Variants in MYO5A observed in about 807,000 individuals in gnomAD.
MYO5A encodes the protein unconventional myosin-Va.
A neutral mutation model predicts 249.7 loss-of-function variants in MYO5A; 98 were observed. That is an observed-to-expected ratio of 0.39 (90% CI 0.33 to 0.46). MYO5A has a LOEUF of 0.46. Ranked by LOEUF, MYO5A falls within the 20% of genes least tolerant of loss-of-function variation. The probability of loss-of-function intolerance (pLI) is 0.98; values close to 1 mark genes in which losing one functional copy is unlikely to be tolerated. For missense variants in MYO5A, 1,696 were observed against 2,308.8 expected (o/e 0.73, Z 5.44); for synonymous variants, 778 against 810.6 (o/e 0.96, Z 0.68).
In MYO5A at chr15:52,460,980, G is replaced by C. The variant is rs144837709; in HGVS notation, c.28-27695C>G. ...ATTTTTGTTTGTTTTTTGAGACAGA[G>C]TCTTGCTGTTGCCCAGGCTGGAGTG... is the stretch of plus-strand genomic sequence containing the variant. On this transcript the variant is annotated intron_variant, in intron 1 of 41. Coordinates refer to ENST00000399233, the MANE Select transcript of MYO5A (RefSeq NM_001382347.1). 4.5e-4 allele frequency among the ~76,000 whole-genome samples: 68 copies of C among 152,288 alleles called. 1 individual carries two copies. The East Asian group carries it at 7.1e-3, about 16-fold the overall frequency.
At chr15:52,410,499 A>G in intron 5 of MYO5A, 23 bp from the exon 6 acceptor site, 1 of 1,598,322 alleles carries the variant, frequency 6.3e-7, no homozygotes, top group Non-Finnish European at 8.6e-7. Flanking sequence ...GGAGAAAATA[A>G]GATTTTAGAA....
intron 1 of MYO5A, among the ~76,000 whole-genome samples, chr15:52,448,953 C>CTTTTT (rs1567136629): frequency 4.8e-5 from 3 of 61,868 alleles, no homozygotes; most frequent in Admixed American, 1.7e-4. Flanking sequence ...CTTTTCTTGT[C>CTTTTT]TTTCTTTTTT....
At chr15:52,320,405 G>C (rs576307383) in intron 38 of MYO5A, among the ~76,000 whole-genome samples, 32 of 152,282 alleles carry the variant, frequency 2.1e-4, no homozygotes, top group African/African-American at 7.7e-4. Context: ...GGGCTTCTTT[G>C]AGGCGAACTT....
chr15:52,347,753 AC>A (rs777527742), intron 29 of MYO5A, among the ~76,000 whole-genome samples: 2 of 152,248 alleles, frequency 1.3e-5, no homozygotes, highest in Non-Finnish European at 2.9e-5. Flanking sequence ...TAAATAGTTT[AC>A]ATTTTATTGA....
intron 1 of MYO5A, among the ~76,000 whole-genome samples, chr15:52,510,730 C>T (rs1595820667): frequency 2.6e-5 from 4 of 152,200 alleles, no homozygotes; most frequent in Admixed American, 2.0e-4. Flanking sequence ...CCATCACCAT[C>T]GCCACACCTG....
At chr15:52,440,588 G>C (rs1461057650) in intron 1 of MYO5A, among the ~76,000 whole-genome samples, 1 of 152,130 alleles carries the variant, frequency 6.6e-6, no homozygotes, top group East Asian at 1.9e-4. Context: ...CTTTCTTTTG[G>C]TATCTTACCA....
At chr15:52,394,530 A>G (rs1374896546) in intron 11 of MYO5A, among the ~76,000 whole-genome samples, 7 of 152,358 alleles carry the variant, frequency 4.6e-5, no homozygotes, top group African/African-American at 1.7e-4. Flanking sequence ...AAAGAACCTG[A>G]CATTGGATAG....
chr15:52,465,733 G>C (rs536248720), intron 1 of MYO5A, among the ~76,000 whole-genome samples: 47 of 152,302 alleles, frequency 3.1e-4, no homozygotes, highest in Non-Finnish European at 5.9e-4. Flanking sequence ...GATACATCTT[G>C]AGATTTTTTT....
intron 1 of MYO5A, among the ~76,000 whole-genome samples, chr15:52,441,815 T>C (rs931054770): frequency 2.4e-4 from 37 of 152,222 alleles, no homozygotes; most frequent in Non-Finnish European, 3.7e-4. Context: ...TGTGAGCTCC[T>C]TGCAAGGAGA....
intron 1 of MYO5A, among the ~76,000 whole-genome samples, chr15:52,514,254 A>G (rs1045784574): frequency 1.3e-5 from 2 of 152,250 alleles, no homozygotes; most frequent in Non-Finnish European, 2.9e-5. Flanking sequence ...ATTGAATTAT[A>G]CACTTTATAC....
In MYO5A at chr15:52,370,333, A is replaced by C. The variant is rs1277447707; in HGVS notation, c.2902T>G (p.Leu968Val). 2 of 1,614,036 alleles carry C rather than the reference A, an allele frequency of 1.2e-6. No homozygotes were observed. Among genetic ancestry groups the C allele is most frequent in the Non-Finnish European group, 1.7e-6 (2 of 1,180,026 alleles). Residue 968 changes from leucine to valine, a missense_variant, in exon 22 of 42, where the codon TTA becomes GTA. Transcript: ENST00000399233. ...TCTTCACTTAGTTGAAGACGTTCTAAGTCACTTCGTAGTTTCTCAGTCTCA... is the reference window on the plus strand; with the variant it reads ...TCTTCACTTAGTTGAAGACGTTCTACGTCACTTCGTAGTTTCTCAGTCTCA... ...NSETEKLRSD[L>V]ERLQLSEEEA... is the part of the protein sequence containing the mutation.
At chr15:52,462,827 G>A (rs998557717) in intron 1 of MYO5A, among the ~76,000 whole-genome samples, 2 of 150,570 alleles carry the variant, frequency 1.3e-5, no homozygotes, top group South Asian at 2.1e-4. Flanking sequence ...CATCCTGGGC[G>A]ACAGCGAGAA....
At chr15:52,397,073 G>T in intron 10 of MYO5A, 128 bp downstream of exon 10, 1 of 1,145,992 alleles carries the variant, frequency 8.7e-7, no homozygotes, top group Non-Finnish European at 1.3e-6. Context: ...AGGTATTCTT[G>T]AATTGTCATA....
intron 1 of MYO5A, among the ~76,000 whole-genome samples, chr15:52,433,803 C>T (rs7176061): frequency 0.53 from 81,085 of 151,730 alleles, 22,933 homozygotes; most frequent in East Asian, 0.85. Flanking sequence ...AAAAAGTGTG[C>T]TCTGAAAAAA....
intron 1 of MYO5A, among the ~76,000 whole-genome samples, chr15:52,501,622 A>G (rs888315134): frequency 2.0e-5 from 3 of 152,116 alleles, no homozygotes; most frequent in Non-Finnish European, 2.9e-5. Context: ...TAAAAATAAG[A>G]TAAAATTGAA....
intron 34 of MYO5A, among the ~76,000 whole-genome samples, chr15:52,335,716 T>C (rs1342103432): frequency 1.3e-5 from 2 of 152,154 alleles, no homozygotes; most frequent in South Asian, 2.1e-4. Context: ...ATAGAAATCA[T>C]GAGATGTTTT....
At position 52,416,276 on chromosome 15, in the gene MYO5A, C is replaced by T. The variant is rs774327292; in HGVS notation, c.481G>A (p.Val161Ile). The T allele has an allele frequency of 1.1e-5, 18 of 1,613,954 alleles. No homozygotes were observed. The highest frequency in any genetic ancestry group is 2.2e-5 in the East Asian group (1 of 44,876). ...TTTCCTGCCCCAGACTCTCCACTTA[C>T]GATGATGGACTGATTTCGTTCATCT... ...ARDERNQSII[V>I]SGESGAGKTV... The change falls in exon 5 of 42, where the codon GTA becomes ATA. Residue 161 changes from valine to isoleucine, a missense_variant. Val to Ile is a conservative substitution (Grantham distance 29). Coordinates refer to ENST00000399233, the MANE Select transcript of MYO5A (RefSeq NM_001382347.1).
chr15:52,498,015 A>G (rs1567180686), intron 1 of MYO5A, among the ~76,000 whole-genome samples: 1 of 152,158 alleles, frequency 6.6e-6, no homozygotes, highest in African/African-American at 2.4e-5. Context: ...CTGAAAAGCA[A>G]TGTCTGAGCA....
Position 52,477,385 on chromosome 15 carries a change from C to T in MYO5A, c.28-44100G>A, listed in dbSNP as rs535877073. Among the ~76,000 whole-genome samples, 18 of 152,290 alleles carry T rather than the reference C, an allele frequency of 1.2e-4. No individual in the cohort carries two copies. In the East Asian group the frequency reaches 3.5e-3, roughly 29 times the overall value. The stretch of plus-strand genomic sequence containing the variant: ...GTTTGTTATTACTGATCTTCCGAAG[C>T]CTTCTTCTCTCAACTCGTCAAAGTC... On this transcript the variant is annotated intron_variant, in intron 1 of 41. Transcript: ENST00000399233.
Sources: gnomAD v4.1 joint callset for allele counts (sites outside exome capture counted in the v4.1 genomes callset) on GRCh38, gnomAD v4.1.1 for gene constraint, MANE v1.5 for transcripts, NCBI Gene and HGNC (gene_info 2026-07-23, HGNC 2026-07-21) for gene names.